The following SLC22A23 variants were observed in gnomAD, a reference collection of about 807,000 sequenced individuals.
SLC22A23 encodes the protein solute carrier family 22 member 23.
SLC22A23 carries 26 observed loss-of-function variants against 61.0 expected under a neutral mutation model. The observed-to-expected ratio is 0.43, with a 90% CI of 0.31 to 0.59. SLC22A23 has a LOEUF of 0.59. Ranked by LOEUF, SLC22A23 falls within the 20% of genes least tolerant of loss-of-function variation. SLC22A23 has a pLI of 0.11. For missense variants in SLC22A23, 796 were observed against 934.7 expected (o/e 0.85, Z 1.94); for synonymous variants, 430 against 413.9 (o/e 1.04, Z -0.47).
In SLC22A23 at chr6:3,316,632, G is replaced by A. The variant is rs185143181; in HGVS notation, c.1082+7202C>T. On this transcript the variant is annotated intron_variant, in intron 4 of 9. Coordinates refer to ENST00000406686, the MANE Select transcript of SLC22A23 (RefSeq NM_015482.2). ...TCAAAATTCTGCACCTACTCTTAGA[G>A]CAGACGAGCACGTTGTTTTTTAAGA... 1.1e-3 allele frequency among the ~76,000 whole-genome samples: 164 copies of A among 152,326 alleles called. 1 individual carries two copies. Among genetic ancestry groups the A allele is most frequent in the African/African-American group, 3.6e-3 (150 of 41,574 alleles).
intron 3 of SLC22A23, among the ~76,000 whole-genome samples, chr6:3,353,802 C>T (rs920311517): frequency 1.3e-5 from 2 of 152,208 alleles, no homozygotes; most frequent in South Asian, 2.1e-4. Flanking sequence ...ACCATTCCCC[C>T]ACCTTCTTAG....
At chr6:3,453,143 C>T (rs867475678) in intron 1 of SLC22A23, among the ~76,000 whole-genome samples, 8 of 151,916 alleles carry the variant, frequency 5.3e-5, no homozygotes, top group Admixed American at 1.3e-4. Context: ...CCAACCAGAG[C>T]GATAAGTATG....
chr6:3,456,381 C>A lies in SLC22A23; in HGVS notation c.179G>T (p.Gly60Val), dbSNP rs1772409620. Residue 60 changes from glycine to valine, a missense_variant, in exon 1 of 10, where the codon GGC (glycine) becomes GTC (valine). By Grantham distance (109) the Gly-to-Val change is moderately radical. Transcript: ENST00000406686. The surrounding 1 kb of genome is among the most constrained non-coding windows in gnomAD (Gnocchi z 7.1). ...GGAGCAGCAGCTCGGGTGCGGGCCG[C>A]CTCCAGGATGCAGTGGGGGCAGCGG... ...IQPLPPLHPG[G>V]GPHPSCCSAA... 6.5e-7 allele frequency: 1 copy of A among 1,537,750 alleles called. No individual in the cohort carries two copies. Among genetic ancestry groups the A allele is most frequent in the Non-Finnish European group, 8.8e-7 (1 of 1,140,730 alleles).
chr6:3,402,467 T>TAGGCTCCAGCTGACACCAC (rs1561954742), intron 3 of SLC22A23, among the ~76,000 whole-genome samples: 6 of 29,914 alleles, frequency 2.0e-4, no homozygotes, highest in African/African-American at 1.3e-3. Context: ...AGCTAAGCCC[T>TAGGCTCCAGCTGACACCAC]AATCACCCAC....
chr6:3,441,739 G>A (rs944137966), intron 1 of SLC22A23, among the ~76,000 whole-genome samples: 8 of 152,094 alleles, frequency 5.3e-5, no homozygotes, highest in East Asian at 3.9e-4. Context: ...TCCCTGCCCC[G>A]CTCATCCTGT....
At chr6:3,436,519 T>A (rs1771222765) in intron 1 of SLC22A23, among the ~76,000 whole-genome samples, 1 of 152,212 alleles carries the variant, frequency 6.6e-6, no homozygotes, top group African/African-American at 2.4e-5. Flanking sequence ...GCTTTCAAAC[T>A]CTTCGCAGTC....
chr6:3,405,618 A>T (rs1029309278), intron 3 of SLC22A23, among the ~76,000 whole-genome samples: 3 of 144,330 alleles, frequency 2.1e-5, no homozygotes, highest in Admixed American at 6.9e-5. Flanking sequence ...GCTCAGTCAA[A>T]TTTTTTTTTT....
intron 1 of SLC22A23, 137 bp downstream of exon 1, chr6:3,455,769 G>A (rs1772367271): frequency 9.4e-7 from 1 of 1,062,520 alleles, no homozygotes; most frequent in Non-Finnish European, 1.3e-6. Context: ...GGGACGGAAG[G>A]AGATTAAGCC....
chr6:3,399,049 TAAAACCGA>T (rs1268657093), intron 3 of SLC22A23, among the ~76,000 whole-genome samples: 2 of 150,062 alleles, frequency 1.3e-5, no homozygotes, highest in East Asian at 2.0e-4. Context: ...AATAAAATAA[TAAAACCGA>T]AAAAACGAAA....
At chr6:3,383,118 T>G (rs1434576817) in intron 3 of SLC22A23, among the ~76,000 whole-genome samples, 1 of 152,144 alleles carries the variant, frequency 6.6e-6, no homozygotes, top group East Asian at 1.9e-4. Context: ...TAGCAGCATA[T>G]TCAGACAGCA....
chr6:3,334,796 T>C (rs1433704475), intron 3 of SLC22A23, among the ~76,000 whole-genome samples: 2 of 152,188 alleles, frequency 1.3e-5, no homozygotes, highest in Non-Finnish European at 2.9e-5. Flanking sequence ...ACACAGAACA[T>C]GAGCAGGGTC....
chr6:3,364,779 C>T (rs1162155680), intron 3 of SLC22A23, among the ~76,000 whole-genome samples: 4 of 152,124 alleles, frequency 2.6e-5, no homozygotes, highest in South Asian at 2.1e-4. Flanking sequence ...CCATCCGGGA[C>T]GTGCAGGTTA....
intron 9 of SLC22A23, among the ~76,000 whole-genome samples, chr6:3,282,545 A>T (rs1759566144): frequency 6.6e-6 from 1 of 152,222 alleles, no homozygotes; most frequent in African/African-American, 2.4e-5. Context: ...AGCCTTCCCC[A>T]GCTTAGCCTC....
intron 1 of SLC22A23, among the ~76,000 whole-genome samples, chr6:3,449,639 A>G (rs566210852): frequency 1.3e-5 from 2 of 152,362 alleles, no homozygotes; most frequent in South Asian, 4.1e-4. Flanking sequence ...TTGCACATCA[A>G]ACTAGAAAAT....
intron 1 of SLC22A23, among the ~76,000 whole-genome samples, chr6:3,447,518 G>T (rs747859394): frequency 9.2e-5 from 14 of 151,740 alleles, no homozygotes; most frequent in Middle Eastern, 3.4e-3. Flanking sequence ...CCAACACATA[G>T]CACAATGCTC....
At chr6:3,444,111 G>T (rs1771758435) in intron 1 of SLC22A23, among the ~76,000 whole-genome samples, 1 of 152,168 alleles carries the variant, frequency 6.6e-6, no homozygotes, top group Admixed American at 6.5e-5. Context: ...AGATGCCATG[G>T]GTGGGCGCGT....
At position 3,324,412 on chromosome 6, in the gene SLC22A23, A is replaced by G. The variant is rs1382037678; in HGVS notation, c.914-410T>C. On this transcript the variant is annotated intron_variant, in intron 3 of 9. Transcript: ENST00000406686. The surrounding 1 kb of genome is among the most constrained non-coding windows in gnomAD (Gnocchi z 4.3). Reference sequence around the variant, plus strand: ...CATTCCTTCCTGTCCATGATGCTGTATTAGGGGCCATCTCGACCTCTAGAC... The same window carrying G: ...CATTCCTTCCTGTCCATGATGCTGTGTTAGGGGCCATCTCGACCTCTAGAC... Among the ~76,000 whole-genome samples the G allele has an allele frequency of 2.0e-5, 3 of 151,990 alleles. No homozygotes were observed. The highest frequency in any genetic ancestry group is 7.3e-5 in the African/African-American group (3 of 41,326).
At chr6:3,283,579 TCAGA>T (rs1165859302) in intron 9 of SLC22A23, 2 of 423,062 alleles carry the variant, frequency 4.7e-6, no homozygotes, top group Non-Finnish European at 8.9e-6. Flanking sequence ...TGCCAGACGC[TCAGA>T]CACTGACATA....
intron 3 of SLC22A23, among the ~76,000 whole-genome samples, chr6:3,362,177 G>A (rs1745496595): frequency 6.6e-6 from 1 of 151,846 alleles, no homozygotes; most frequent in African/African-American, 2.4e-5. Context: ...GCCGAGGTGG[G>A]TGGATTGCCT....
Sources: allele counts gnomAD v4.1 joint callset (sites outside exome capture counted in the v4.1 genomes callset), GRCh38; gene constraint gnomAD v4.1.1; non-coding constraint Gnocchi (gnomAD v3.1); transcripts MANE v1.5; gene names NCBI Gene and HGNC (gene_info 2026-07-23, HGNC 2026-07-21).